RPS6KA2: variants seen among roughly 807,000 people sequenced by gnomAD.
The protein encoded by RPS6KA2 is ribosomal protein S6 kinase A2.
RPS6KA2 carries 42 observed loss-of-function variants against 91.8 expected under a neutral mutation model. That is an observed-to-expected ratio of 0.46 (90% CI 0.36 to 0.59). RPS6KA2 has a LOEUF of 0.59. Among genes scored for constraint, RPS6KA2 ranks in the 20% least tolerant of loss-of-function variants. RPS6KA2 has a pLI of 0.00. For synonymous variants in RPS6KA2, 414 were observed against 393.6 expected, an observed-to-expected ratio of 1.05 and a Z score of -0.61; for missense variants, 798 against 978.5, an observed-to-expected ratio of 0.82 and a Z score of 2.46.
At chr6:166,735,806 C>A (rs1214938090) in intron 2 of RPS6KA2, among the ~76,000 whole-genome samples, 1 of 152,242 alleles carries the variant, frequency 6.6e-6, no homozygotes, top group Non-Finnish European at 1.5e-5. Flanking sequence ...CCACTCACCT[C>A]CTGCTGTGTG....
intron 13 of RPS6KA2, among the ~76,000 whole-genome samples, chr6:166,450,373 GACC>G (rs1779854410): frequency 6.9e-6 from 1 of 144,734 alleles, no homozygotes; most frequent in African/African-American, 2.6e-5. Flanking sequence ...CCAGCATGGG[GACC>G]ACGACAGGGA....
chr6:166,810,879 G>C lies in RPS6KA2; in HGVS notation c.123+47321C>G, dbSNP rs1248649443. Among the ~76,000 whole-genome samples, 2 of 152,138 alleles carry C rather than the reference G, an allele frequency of 1.3e-5. 1 individual carries two copies. The highest frequency in any genetic ancestry group is 1.3e-4 in the Admixed American group (2 of 15,274). The stretch of plus-strand genomic sequence containing the variant: ...ACCAAATGCAGTGTACCAACACAGA[G>C]CACCAAGTGTCTCCACACAAGATCA... On this transcript the variant is annotated intron_variant, in intron 2 of 21. Transcript: ENST00000503859.
intron 3 of RPS6KA2, among the ~76,000 whole-genome samples, chr6:166,511,748 T>C (rs74426700): frequency 0.01 from 1,536 of 152,310 alleles, 20 homozygotes; most frequent in Non-Finnish European, 0.012. Flanking sequence ...AAGTTTTATT[T>C]AAGAAATTCT....
chr6:166,799,827 G>A (rs1779318002), intron 2 of RPS6KA2, among the ~76,000 whole-genome samples: 1 of 152,074 alleles, frequency 6.6e-6, no homozygotes, highest in African/African-American at 2.4e-5. Context: ...TTCTTCAGTG[G>A]TGATTTCTGC....
intron 10 of RPS6KA2, among the ~76,000 whole-genome samples, chr6:166,488,200 A>G (rs902751236): frequency 4.0e-5 from 6 of 150,338 alleles, no homozygotes; most frequent in African/African-American, 1.5e-4. Context: ...GTTGCTGTCT[A>G]AACCGGAAAC....
At chr6:166,658,124 C>G (rs377751750) in intron 2 of RPS6KA2, among the ~76,000 whole-genome samples, 1 of 152,170 alleles carries the variant, frequency 6.6e-6, no homozygotes, top group Non-Finnish European at 1.5e-5. Flanking sequence ...TCAGGTGATT[C>G]GCCCACCTCG....
intron 1 of RPS6KA2, among the ~76,000 whole-genome samples, chr6:166,571,793 G>A (rs902409358): frequency 2.0e-5 from 3 of 152,030 alleles, no homozygotes; most frequent in African/African-American, 7.3e-5. Flanking sequence ...AGCGCAGCTT[G>A]AACGGCCTCT....
Position 166,603,547 on chromosome 6 carries a change from C to A in RPS6KA2, c.99+23374G>T, listed in dbSNP as rs1280548906. Among the ~76,000 whole-genome samples the A allele has an allele frequency of 6.6e-6, 1 of 152,048 alleles. No homozygotes were observed. Among genetic ancestry groups the A allele is most frequent in the Non-Finnish European group, 1.5e-5 (1 of 68,006 alleles). On this transcript the variant is annotated intron_variant, in intron 1 of 20. Transcript: ENST00000265678. This position sits in a 1 kb window ranked among gnomAD's most constrained non-coding sequence, Gnocchi z 4.3. ...CAGTCACCTTCTGGAGTCGAGGGCG[C>A]CCAGGTAAAGGGCTTTGGCATGGAA...
chr6:166,673,311 T>C (rs1040444), intron 2 of RPS6KA2, among the ~76,000 whole-genome samples: 26,309 of 152,160 alleles, frequency 0.17, 2,727 homozygotes, highest in Middle Eastern at 0.28. Flanking sequence ...TGGGAAGCAC[T>C]GATCCTGGGT....
intron 2 of RPS6KA2, among the ~76,000 whole-genome samples, chr6:166,824,645 C>CTG (rs55815873): frequency 1.7e-4 from 25 of 147,768 alleles, no homozygotes; most frequent in African/African-American, 4.6e-4. Context: ...GTCTGTATGT[C>CTG]TGTGTGTGTG....
intron 1 of RPS6KA2, among the ~76,000 whole-genome samples, chr6:166,602,157 G>A (rs1458707428): frequency 1.3e-5 from 2 of 152,176 alleles, no homozygotes; most frequent in African/African-American, 4.8e-5. Context: ...GGCCACGGTG[G>A]GACACCATCT....
At chr6:166,464,639 T>A (rs902322504) in intron 11 of RPS6KA2, among the ~76,000 whole-genome samples, 18 of 152,338 alleles carry the variant, frequency 1.2e-4, no homozygotes, top group African/African-American at 4.3e-4. Context: ...CTGCAGTGAT[T>A]AACTTTTACG....
chr6:166,684,208 T>C (rs1442739447), intron 2 of RPS6KA2, among the ~76,000 whole-genome samples: 2 of 152,104 alleles, frequency 1.3e-5, no homozygotes, highest in Non-Finnish European at 2.9e-5. Flanking sequence ...TCAGGGGATG[T>C]ACCCATCAGT....
intron 2 of RPS6KA2, among the ~76,000 whole-genome samples, chr6:166,705,679 T>G (rs909518120): frequency 2.6e-5 from 4 of 152,196 alleles, no homozygotes; most frequent in African/African-American, 7.2e-5. Flanking sequence ...AAAAACATCC[T>G]TATTGGCAGA....
At chr6:166,597,850 G>A (rs1785592924) in intron 1 of RPS6KA2, among the ~76,000 whole-genome samples, 1 of 152,136 alleles carries the variant, frequency 6.6e-6, no homozygotes, top group Admixed American at 6.5e-5. Flanking sequence ...CTAGAGAGCA[G>A]GACTCTGCTC....
chr6:166,535,389 A>G (rs3778414), intron 2 of RPS6KA2, among the ~76,000 whole-genome samples: 8,862 of 152,194 alleles, frequency 0.058, 839 homozygotes, highest in African/African-American at 0.2. Flanking sequence ...AGTAACAGCC[A>G]CCCCCAAAAG....
At chr6:166,413,099 G>A (rs79334765) in intron 20 of RPS6KA2, among the ~76,000 whole-genome samples, 1 of 151,824 alleles carries the variant, frequency 6.6e-6, no homozygotes, top group Non-Finnish European at 1.5e-5. Context: ...TCCTGCACCT[G>A]CCCCCCCCAC....
chr6:166,488,321 GCTGT>G (rs779340713), intron 10 of RPS6KA2, among the ~76,000 whole-genome samples: 5 of 152,114 alleles, frequency 3.3e-5, no homozygotes, highest in African/African-American at 7.2e-5. Flanking sequence ...TGCTCCTGCT[GCTGT>G]CTGACTCTGA....
chr6:166,529,431 G>A (rs192370044), intron 3 of RPS6KA2, among the ~76,000 whole-genome samples: 1 of 152,230 alleles, frequency 6.6e-6, no homozygotes, highest in African/African-American at 2.4e-5. Flanking sequence ...TGGGGTGGAG[G>A]GATGGGGGAG....
Sources: allele counts gnomAD v4.1 joint callset (sites outside exome capture counted in the v4.1 genomes callset), GRCh38; gene constraint gnomAD v4.1.1; non-coding constraint Gnocchi (gnomAD v3.1); transcripts MANE v1.5; gene names NCBI Gene and HGNC (gene_info 2026-07-23, HGNC 2026-07-21).